The following ABCA4 variants were observed in gnomAD, a reference collection of about 807,000 sequenced individuals.
ABCA4 encodes the protein ATP binding cassette subfamily A member 4, also known as retinal-specific phospholipid-transporting ATPase ABCA4.
Under a neutral mutation model 263.7 loss-of-function variants are expected in ABCA4, and 196 were observed. The observed-to-expected ratio is 0.74, with a 90% CI of 0.66 to 0.84. The LOEUF (loss-of-function observed/expected upper bound fraction) is 0.84. ABCA4 is among the 40% of genes least tolerant of loss of function. ABCA4 has a pLI of 0.00. For synonymous variants in ABCA4, 1,133 were observed against 1,094.2 expected (o/e 1.04, Z -0.70); for missense variants, 2,792 against 2,855.1 (o/e 0.98, Z 0.50).
chr1:94,111,404 T>G, intron 3 of ABCA4, 34 bp downstream of exon 3: 1 of 1,611,686 alleles, frequency 6.2e-7, no homozygotes, highest in Non-Finnish European at 8.5e-7. Flanking sequence ...GTGTGCAACT[T>G]CCTCCCCTGC....
At chr1:94,065,839 T>G (rs574715499) in intron 11 of ABCA4, among the ~76,000 whole-genome samples, 1 of 152,216 alleles carries the variant, frequency 6.6e-6, no homozygotes, top group Non-Finnish European at 1.5e-5. Flanking sequence ...AGTGACACCA[T>G]GCTAATGAGA....
rs533606695 is a variant in ABCA4 at position 94,015,065 on chromosome 1, A to C, written c.5313-375T>G. Among the ~76,000 whole-genome samples, 5 of 152,298 alleles carry C rather than the reference A, an allele frequency of 3.3e-5. No homozygotes were observed. The South Asian group carries it at 8.3e-4, about 25-fold the overall frequency. On this transcript the variant is annotated intron_variant, in intron 37 of 49. Transcript: ENST00000370225. The stretch of plus-strand genomic sequence containing the variant: ...AGATGAGCCCAGTGAGCTCATCTTC[A>C]CAGCTTATAGTCAGGTTGGTTCCCA...
chr1:93,998,712 T>A (rs868796617), intron 47 of ABCA4, among the ~76,000 whole-genome samples: 164 of 135,116 alleles, frequency 1.2e-3, no homozygotes, highest in African/African-American at 4.2e-3. Context: ...TATTTTATTT[T>A]ATTTATTTTA....
intron 36 of ABCA4, among the ~76,000 whole-genome samples, chr1:94,019,181 C>T (rs923973418): frequency 2.6e-5 from 4 of 151,616 alleles, no homozygotes; most frequent in Admixed American, 2.6e-4. Flanking sequence ...TTACCTTTAC[C>T]CTTTTGAAGG....
At chr1:94,018,336 C>T (rs931003679) in intron 36 of ABCA4, among the ~76,000 whole-genome samples, 4 of 152,244 alleles carry the variant, frequency 2.6e-5, no homozygotes, top group African/African-American at 9.6e-5. Context: ...GGCCTAGCTC[C>T]TTTTATATTA....
chr1:94,046,336 C>T (rs1660676218), intron 19 of ABCA4, among the ~76,000 whole-genome samples: 1 of 147,312 alleles, frequency 6.8e-6, no homozygotes, highest in Non-Finnish European at 1.5e-5. Flanking sequence ...GTGGTATGCA[C>T]CTGTAGTCCC....
intron 11 of ABCA4, among the ~76,000 whole-genome samples, chr1:94,072,473 G>A (rs1661427612): frequency 6.6e-6 from 1 of 152,134 alleles, no homozygotes; most frequent in South Asian, 2.1e-4. Context: ...TCTGTGCCAG[G>A]CCTAACCTTT....
chr1:94,016,468 C>A (rs1439647895), intron 36 of ABCA4, among the ~76,000 whole-genome samples: 1 of 152,112 alleles, frequency 6.6e-6, no homozygotes, highest in Non-Finnish European at 1.5e-5. Context: ...CGAGGAGGAC[C>A]TGCATGCAGC....
chr1:93,996,061 A>G (rs765066055), intron 49 of ABCA4, 48 bp downstream of exon 49: 1 of 1,568,942 alleles, frequency 6.4e-7, no homozygotes, highest in South Asian at 1.1e-5. Flanking sequence ...CTGGGCTCTG[A>G]GCCAAGGAAC....
chr1:94,039,010 T>C (rs1660419134), intron 24 of ABCA4, among the ~76,000 whole-genome samples: 1 of 152,232 alleles, frequency 6.6e-6, no homozygotes, highest in Non-Finnish European at 1.5e-5. Flanking sequence ...GCAGGCCCTG[T>C]TTCCAATCTG....
chr1:94,043,387 C>T lies in ABCA4; in HGVS notation c.3139G>A (p.Glu1047Lys), dbSNP rs143860733. ...CGCTTGTGGTGGAGGCCTGTGTCCT[C>T]CAACATGGCTTCCATCTCCAGCTGG... ...EAQLEMEAML[E>K]DTGLHHKRNE... The change falls in exon 21 of 50, where the codon GAG becomes AAG. Residue 1047 changes from glutamate (E) to lysine (K), a missense_variant. Coordinates refer to ENST00000370225, the MANE Select transcript of ABCA4 (RefSeq NM_000350.3). 6.2e-6 allele frequency: 10 copies of T among 1,614,012 alleles called. No individual in the cohort carries two copies. The highest frequency in any genetic ancestry group is 8.5e-6 in the Non-Finnish European group (10 of 1,180,048).
intron 19 of ABCA4, 32 bp downstream of exon 19, chr1:94,046,887 A>G: frequency 6.2e-7 from 1 of 1,611,656 alleles, no homozygotes; most frequent in Middle Eastern, 1.8e-4. Flanking sequence ...ACAGGCTAGC[A>G]TGGCAGCCAG....
Position 94,121,031 on chromosome 1 carries a change from T to A in ABCA4, c.15A>T (p.Arg5Ser). Residue 5 changes from arginine to serine, a missense_variant, in exon 1 of 50, where the codon AGA (arginine) becomes AGT (serine). Transcript: ENST00000370225. Reference protein sequence around the residue: MGFVRQIQLLLWKNW... With the variant: MGFVSQIQLLLWKNW... ...TCTTCCAGAGCAAAAGCTGTATCTG[T>A]CTCACGAAGCCCATGCTAATGACCA... The A allele has an allele frequency of 6.2e-7, 1 of 1,614,112 alleles. No homozygotes were observed. Among genetic ancestry groups the A allele is most frequent in the African/African-American group, 1.3e-5 (1 of 75,006 alleles).
Position 94,042,766 on chromosome 1 carries a change from C to T in ABCA4, c.3323G>A (p.Arg1108His), listed in dbSNP as rs61750121. The stretch of plus-strand genomic sequence containing the variant: ...GACTGAGCAGCAGCTGTTACCTGAG[C>T]GATACTTCAGGAGCAGATCCCAGAT... Reference protein sequence around the residue: ...RSIWDLLLKYRSGRTIIMSTH... With the variant: ...RSIWDLLLKYHSGRTIIMSTH... The change falls in exon 22 of 50, where the codon CGC becomes CAC. Residue 1108 changes from arginine to histidine, a missense_variant. Transcript: ENST00000370225. 75 of 1,614,058 alleles carry T rather than the reference C, an allele frequency of 4.6e-5. No homozygotes were observed. The highest frequency in any genetic ancestry group is 6.7e-5 in the African/African-American group (5 of 74,910).
At chr1:94,043,225 G>T (rs780598451) in intron 21 of ABCA4, 111 bp downstream of exon 21, 17 of 1,476,160 alleles carry the variant, frequency 1.2e-5, no homozygotes, top group Non-Finnish European at 1.6e-5. Flanking sequence ...CTTCACAGAG[G>T]TGTTCCCACC....
At chr1:94,022,021 T>C in intron 32 of ABCA4, 70 bp from the exon 33 acceptor site, 1 of 1,318,128 alleles carries the variant, frequency 7.6e-7, no homozygotes, top group Admixed American at 1.7e-5. Context: ...TCTCTCGGGT[T>C]TTGTAGGGAA....
intron 1 of ABCA4, among the ~76,000 whole-genome samples, chr1:94,117,063 T>G (rs775030661): frequency 2.0e-5 from 3 of 150,142 alleles, no homozygotes; most frequent in Non-Finnish European, 3.0e-5. Context: ...TTCTTTCCTT[T>G]CTCTCTCTCT....
chr1:94,008,098 G>A, intron 42 of ABCA4, 137 bp downstream of exon 42: 1 of 812,384 alleles, frequency 1.2e-6, no homozygotes, highest in Non-Finnish European at 2.1e-6. Flanking sequence ...TGTGGCTAGT[G>A]GAAGATTTAA....
chr1:94,104,641 C>T (rs900289650), intron 4 of ABCA4, among the ~76,000 whole-genome samples: 2 of 152,220 alleles, frequency 1.3e-5, no homozygotes, highest in Non-Finnish European at 2.9e-5. Flanking sequence ...CACAGTGGCA[C>T]AGTGGCTTCT....
Sources: gnomAD v4.1 joint callset for allele counts (sites outside exome capture counted in the v4.1 genomes callset) on GRCh38, gnomAD v4.1.1 for gene constraint, MANE v1.5 for transcripts, NCBI Gene and HGNC (gene_info 2026-07-23, HGNC 2026-07-21) for gene names.